STS: variants seen among roughly 807,000 people sequenced by gnomAD.
STS encodes steryl-sulfatase.
In STS, 7 loss-of-function variants were observed where a neutral mutation model predicts 26.8. The observed-to-expected ratio is 0.26, with a 90% CI of 0.15 to 0.49. The LOEUF is 0.49. Among genes scored for constraint, STS ranks in the 20% least tolerant of loss-of-function variants. The pLI is 0.98. For synonymous variants in STS, 199 were observed against 189.4 expected, an observed-to-expected ratio of 1.05 and a Z score of -0.42; for missense variants, 434 against 465.6, an observed-to-expected ratio of 0.93 and a Z score of 0.63.
At chrX:7,237,191 C>T (rs1922355141) in intron 2 of STS, among the ~76,000 whole-genome samples, 1 of 101,702 alleles carries the variant, frequency 9.8e-6, no homozygotes, top group Admixed American at 1.1e-4. Context: ...GCCAGAACCC[C>T]CCCAAAAACC....
chrX:7,150,167 T>C (rs1474883052), intron 1 of STS, among the ~76,000 whole-genome samples: 4 of 112,300 alleles, frequency 3.6e-5, no homozygotes, highest in South Asian at 7.5e-4. Flanking sequence ...TTTTTGGTAT[T>C]GTAACCACCT....
At chrX:7,333,017 A>G (rs959847295) in intron 9 of STS, among the ~76,000 whole-genome samples, 1 of 112,444 alleles carries the variant, frequency 8.9e-6, no homozygotes, top group Non-Finnish European at 1.9e-5. Flanking sequence ...AAAATAAACC[A>G]TGGGAGAAAG....
chrX:7,258,176 G>C (rs1406313656), intron 5 of STS, among the ~76,000 whole-genome samples: 1 of 109,475 alleles, frequency 9.1e-6, no homozygotes, highest in Non-Finnish European at 1.9e-5. Flanking sequence ...GAGATAGATA[G>C]ATAGATAGAT....
intron 2 of STS, among the ~76,000 whole-genome samples, chrX:7,220,543 A>ATTT (rs769097559): frequency 5.4e-4 from 35 of 64,957 alleles, no homozygotes; most frequent in African/African-American, 1.7e-3. Context: ...TGGATGTCAG[A>ATTT]TTTTTTTTTT....
intron 8 of STS, among the ~76,000 whole-genome samples, chrX:7,308,576 C>G (rs748908826): frequency 9.0e-6 from 1 of 111,450 alleles, no homozygotes; most frequent in Non-Finnish European, 1.9e-5. Context: ...TATCATACAA[C>G]CCTGCAAGCA....
At chrX:7,312,806 T>C (rs1926546037) in intron 8 of STS, among the ~76,000 whole-genome samples, 1 of 112,131 alleles carries the variant, frequency 8.9e-6, no homozygotes, top group Non-Finnish European at 1.9e-5. Context: ...TCTCAGATAT[T>C]TCTTCATAGA....
intron 2 of STS, among the ~76,000 whole-genome samples, chrX:7,207,102 A>C (rs1920955745): frequency 9.0e-6 from 1 of 111,480 alleles, no homozygotes; most frequent in Admixed American, 9.5e-5. Context: ...AGGTGGGAGG[A>C]TCCCTCAAGC....
chrX:7,237,097 A>G (rs956310473), intron 2 of STS, among the ~76,000 whole-genome samples: 8 of 110,185 alleles, frequency 7.3e-5, no homozygotes, highest in African/African-American at 2.6e-4. Context: ...GTAAAATTAC[A>G]CATATCTATT....
At chrX:7,165,990 C>G (rs1933341289) in intron 1 of STS, among the ~76,000 whole-genome samples, 1 of 108,728 alleles carries the variant, frequency 9.2e-6, no homozygotes, top group Admixed American at 9.8e-5. Context: ...TTCTCTTTCT[C>G]TCTGTCGCTG....
rs1221861309 is a variant in STS at position 7,352,209 on chromosome X, T to TC, written c.*1949dup. On this transcript the variant is annotated 3_prime_UTR_variant, in exon 11 of 11. Transcript: ENST00000674429. ...TATCCTATAAGATGACAATGTTTAC[T>TC]CAAAGTCTAACATATTCAATGCAAG... 2 of 112,338 alleles carry TC rather than the reference T, an allele frequency of 1.8e-5. No homozygotes were observed. The highest frequency in any genetic ancestry group is 3.8e-5 in the Non-Finnish European group (2 of 53,293). 9.3% of individuals were successfully genotyped at this position (112,338 alleles called of 1,213,427 possible).
chrX:7,232,974 G>A (rs755061821), intron 2 of STS, among the ~76,000 whole-genome samples: 3 of 110,884 alleles, frequency 2.7e-5, no homozygotes, highest in Non-Finnish European at 5.7e-5. Context: ...TCTCTCCTTC[G>A]CCATCACCTT....
chrX:7,251,100 G>C (rs369511387), intron 2 of STS, among the ~76,000 whole-genome samples: 1 of 112,105 alleles, frequency 8.9e-6, no homozygotes, highest in Non-Finnish European at 1.9e-5. Context: ...TGCTACAAGG[G>C]TGACATTCTT....
intron 2 of STS, among the ~76,000 whole-genome samples, chrX:7,238,161 T>TGTGTGTGG: frequency 1.1e-5 from 1 of 91,576 alleles, no homozygotes; most frequent in Non-Finnish European, 2.2e-5. Context: ...TGTGTGTGTG[T>TGTGTGTGG]ACACACAATG....
intron 1 of STS, among the ~76,000 whole-genome samples, chrX:7,149,468 G>A (rs1419668022): frequency 8.9e-6 from 1 of 111,793 alleles, no homozygotes; most frequent in Non-Finnish European, 1.9e-5. Flanking sequence ...TGTGTTCTTA[G>A]AGGTGGTACT....
chrX:7,210,518 T>C lies in STS; in HGVS notation c.-5+19510T>C, dbSNP rs968631049. ...ATATTAAATATATATTTATAAAAAA[T>C]AGATGTATGTATAATAAATAATAAA... On this transcript the variant is annotated intron_variant, in intron 2 of 10. Coordinates refer to ENST00000674429, the MANE Select transcript of STS (RefSeq NM_001320752.2). Among the ~76,000 whole-genome samples, 245 of 107,097 alleles carry C rather than the reference T, an allele frequency of 2.3e-3. 1 individual carries two copies. Among genetic ancestry groups the C allele is most frequent in the Non-Finnish European group, 3.5e-3 (182 of 52,119 alleles). The allele number at this position is 107,097 out of a possible 115,157, so 93.0% of individuals were successfully genotyped here. A position where few individuals can be genotyped will look rare whatever the true frequency, so the allele number is the denominator to read the frequency against.
intron 1 of STS, among the ~76,000 whole-genome samples, chrX:7,160,825 A>G (rs1281879703): frequency 8.9e-6 from 1 of 112,396 alleles, no homozygotes; most frequent in African/African-American, 3.2e-5. Flanking sequence ...GTTAATATGT[A>G]TGTATCCTAA....
At chrX:7,198,253 T>G (rs747142552) in intron 2 of STS, among the ~76,000 whole-genome samples, 8 of 111,049 alleles carry the variant, frequency 7.2e-5, no homozygotes, top group Non-Finnish European at 5.7e-5. Context: ...GGAATGCTGA[T>G]TGGTCAGATT....
chrX:7,244,469 C>T (rs956527884), intron 2 of STS, among the ~76,000 whole-genome samples: 2 of 111,637 alleles, frequency 1.8e-5, no homozygotes, highest in African/African-American at 3.3e-5. Flanking sequence ...TGGTAGATGC[C>T]GATCTGCCTA....
Position 7,342,880 on chromosome X carries a change from A to T in STS, c.1364-7008A>T, listed in dbSNP as rs753744843. On this transcript the variant is annotated intron_variant, in intron 10 of 10. Transcript: ENST00000674429. ...AAGATTTGAGGCATTAGTGTGGGGTATCTGGATGAGACTAGGGTAATGTAT... is the reference window on the plus strand; with the variant it reads ...AAGATTTGAGGCATTAGTGTGGGGTTTCTGGATGAGACTAGGGTAATGTAT... Among the ~76,000 whole-genome samples the T allele has an allele frequency of 5.4e-5, 6 of 111,759 alleles. No individual in the cohort carries two copies. In the South Asian group the frequency reaches 2.3e-3, roughly 42 times the overall value.
Sources: gnomAD v4.1 joint callset for allele counts (sites outside exome capture counted in the v4.1 genomes callset) on GRCh38, gnomAD v4.1.1 for gene constraint, MANE v1.5 for transcripts, NCBI Gene and HGNC (gene_info 2026-07-23, HGNC 2026-07-21) for gene names.